ITPRID1: variants seen among roughly 807,000 people sequenced by gnomAD.
ITPRID1 encodes the protein ITPR interacting domain containing 1, also known as protein ITPRID1.
In ITPRID1, 96 loss-of-function variants were observed where a neutral mutation model predicts 95.4. That is an observed-to-expected ratio of 1.01 (90% confidence interval 0.85 to 1.19). The LOEUF is 1.19. Among genes scored for constraint, ITPRID1 ranks in the 50% most tolerant of loss-of-function variants. The pLI, the probability that ITPRID1 is intolerant of heterozygous loss-of-function variation, is 0.00. For missense variants in ITPRID1, 1,339 were observed against 1,252.9 expected, an observed-to-expected ratio of 1.07 and a Z score of -1.04; for synonymous variants, 510 against 453.6, an observed-to-expected ratio of 1.12 and a Z score of -1.58.
chr7:31,580,940 A>G (rs1272319982), intron 9 of ITPRID1, among the ~76,000 whole-genome samples: 1 of 152,224 alleles, frequency 6.6e-6, no homozygotes, highest in African/African-American at 2.4e-5. Context: ...TTTCATTTTA[A>G]TAAAAAGTGC....
chr7:31,574,465 T>C, intron 7 of ITPRID1, 75 bp from the exon 8 acceptor site: 2 of 1,293,622 alleles, frequency 1.5e-6, no homozygotes, highest in Non-Finnish European at 1.1e-6. Context: ...GGAGATTGGG[T>C]GGATGAGGTG....
chr7:31,550,512 AC>A (rs1174664246), intron 2 of ITPRID1, among the ~76,000 whole-genome samples: 14 of 152,158 alleles, frequency 9.2e-5, no homozygotes, highest in African/African-American at 2.7e-4. Context: ...ATTCCAGGAT[AC>A]CACCTGATCT....
At chr7:31,645,941 A>G (rs987656900) in intron 12 of ITPRID1, among the ~76,000 whole-genome samples, 7 of 152,142 alleles carry the variant, frequency 4.6e-5, no homozygotes, top group African/African-American at 1.7e-4. Flanking sequence ...TGTAAGGGGA[A>G]AATGTTAGGG....
chr7:31,569,009 G>A (rs962190176), intron 5 of ITPRID1, among the ~76,000 whole-genome samples: 2 of 152,192 alleles, frequency 1.3e-5, no homozygotes, highest in African/African-American at 4.8e-5. Context: ...AGAATTACAA[G>A]AGAATGTGTG....
intron 2 of ITPRID1, among the ~76,000 whole-genome samples, chr7:31,551,452 A>C (rs1311187047): frequency 6.9e-6 from 1 of 143,958 alleles, no homozygotes; most frequent in Non-Finnish European, 1.6e-5. Flanking sequence ...ATTTGCTACC[A>C]GCAGATATTC....
Position 31,652,964 on chromosome 7 carries a change from G to A in ITPRID1, c.*135G>A, listed in dbSNP as rs1424744787. 1.4e-6 allele frequency: 2 copies of A among 1,462,096 alleles called. No homozygotes were observed. Among genetic ancestry groups the A allele is most frequent in the Non-Finnish European group, 1.8e-6 (2 of 1,110,082 alleles). 90.6% of individuals were successfully genotyped at this position (1,462,096 alleles called of 1,614,324 possible). ...TATATCTCTCATATTCTACCCTTTG[G>A]TTAAACCCAAGAGGAGTTTAGAATA... is the stretch of plus-strand genomic sequence containing the variant. On this transcript the variant is annotated 3_prime_UTR_variant, in exon 15 of 15. Coordinates refer to ENST00000615280, the MANE Select transcript of ITPRID1 (RefSeq NM_001257967.3).
intron 3 of ITPRID1, 145 bp from the exon 4 acceptor site, chr7:31,554,330 A>AG: frequency 7.4e-7 from 1 of 1,349,416 alleles, no homozygotes; most frequent in Non-Finnish European, 9.6e-7. Context: ...TTTTGCCTTC[A>AG]GGAAAAAAAA....
chr7:31,599,844 T>C (rs1222437599), intron 10 of ITPRID1, among the ~76,000 whole-genome samples: 1 of 151,618 alleles, frequency 6.6e-6, no homozygotes, highest in Admixed American at 6.6e-5. Context: ...TACAGGCGCC[T>C]GCCACCACGC....
intron 5 of ITPRID1, among the ~76,000 whole-genome samples, chr7:31,569,250 T>A (rs1370520821): frequency 6.6e-6 from 1 of 152,194 alleles, no homozygotes; most frequent in Non-Finnish European, 1.5e-5. Flanking sequence ...GAAGGGAATA[T>A]GCTTCATACA....
intron 1 of ITPRID1, chr7:31,518,296 A>G (rs1170700796): frequency 6.6e-6 from 1 of 152,254 alleles, no homozygotes; most frequent in Non-Finnish European, 1.5e-5. Flanking sequence ...GTTTTAGCCC[A>G]GTGAGACTAA....
At chr7:31,598,355 A>G (rs1359847039) in intron 10 of ITPRID1, among the ~76,000 whole-genome samples, 1 of 151,708 alleles carries the variant, frequency 6.6e-6, no homozygotes, top group African/African-American at 2.4e-5. Context: ...TTTATATACA[A>G]TAAAATATTA....
rs1791231366 is a variant in ITPRID1 at position 31,655,072 on chromosome 7, C to A, written c.*2243C>A. Among the ~76,000 whole-genome samples, 1 of 152,142 alleles carries A rather than the reference C, an allele frequency of 6.6e-6. No individual in the cohort carries two copies. The highest frequency in any genetic ancestry group is 1.5e-5 in the Non-Finnish European group (1 of 68,028). On this transcript the variant is annotated 3_prime_UTR_variant, in exon 15 of 15. Coordinates refer to ENST00000615280, the MANE Select transcript of ITPRID1 (RefSeq NM_001257967.3). ...CACACACTCTCCAAGCATCTATGACCCTGATTCCCAGCTCTCTCCAGTATC... is the reference window on the plus strand; with the variant it reads ...CACACACTCTCCAAGCATCTATGACACTGATTCCCAGCTCTCTCCAGTATC...
intron 5 of ITPRID1, 88 bp from the exon 6 acceptor site, chr7:31,569,670 A>T (rs547921573): frequency 8.7e-7 from 1 of 1,144,790 alleles, no homozygotes; most frequent in African/African-American, 1.5e-5. Context: ...TGGAAATTCA[A>T]TTCTACCTTG....
chr7:31,641,383 T>G (rs925343615), intron 10 of ITPRID1, among the ~76,000 whole-genome samples: 1 of 152,164 alleles, frequency 6.6e-6, no homozygotes, highest in Non-Finnish European at 1.5e-5. Context: ...CCTTGTATTC[T>G]AAGGAGGCCA....
At chr7:31,524,585 A>G (rs936995603) in intron 1 of ITPRID1, among the ~76,000 whole-genome samples, 37 of 152,214 alleles carry the variant, frequency 2.4e-4, no homozygotes, top group Non-Finnish European at 4.4e-5. Flanking sequence ...ATTGACTTTC[A>G]TCTATTCTGT....
At position 31,547,090 on chromosome 7, in the gene ITPRID1, A is replaced by T. The variant is rs150932026; in HGVS notation, c.-97-2336A>T. 7.4e-3 allele frequency among the ~76,000 whole-genome samples: 1,132 copies of T among 152,278 alleles called. 7 individuals carry two copies. The highest frequency in any genetic ancestry group is 0.011 in the Non-Finnish European group (761 of 68,006). ...TGCTGCCAAAAATTCTGAAATGATA[A>T]GAAGTGAAAGTTGACCACCAGCATA... On this transcript the variant is annotated intron_variant, in intron 1 of 14. Coordinates refer to ENST00000615280, the MANE Select transcript of ITPRID1 (RefSeq NM_001257967.3).
chr7:31,587,577 C>CA (rs1373472586), intron 10 of ITPRID1, among the ~76,000 whole-genome samples: 3 of 148,548 alleles, frequency 2.0e-5, no homozygotes, highest in Non-Finnish European at 3.0e-5. Flanking sequence ...AGGTAATTTA[C>CA]AGATTCAATG....
chr7:31,632,737 T>C (rs942478102), intron 10 of ITPRID1, among the ~76,000 whole-genome samples: 5 of 152,040 alleles, frequency 3.3e-5, no homozygotes, highest in Admixed American at 6.5e-5. Flanking sequence ...TCCCTACTAC[T>C]GAAGCCCAGC....
chr7:31,537,302 C>G (rs1783793579), intron 1 of ITPRID1, among the ~76,000 whole-genome samples: 1 of 152,096 alleles, frequency 6.6e-6, no homozygotes, highest in Non-Finnish European at 1.5e-5. Flanking sequence ...TTAGACACCC[C>G]ACAATTGGTG....
Sources: gnomAD v4.1 joint callset for allele counts (sites outside exome capture counted in the v4.1 genomes callset) on GRCh38, gnomAD v4.1.1 for gene constraint, MANE v1.5 for transcripts, NCBI Gene and HGNC (gene_info 2026-07-23, HGNC 2026-07-21) for gene names.